The following KCNIP2 variants were observed in gnomAD, a reference collection of about 807,000 sequenced individuals.
The protein encoded by KCNIP2 is A-type potassium channel modulatory protein KCNIP2.
KCNIP2 carries 19 observed loss-of-function variants against 39.0 expected under a neutral mutation model. The ratio of observed to expected loss-of-function variants is 0.49; its 90% CI spans 0.34 to 0.71. The LOEUF (loss-of-function observed/expected upper bound fraction) is 0.71. Among genes scored for constraint, KCNIP2 ranks in the 30% least tolerant of loss-of-function variants. KCNIP2 has a pLI of 0.01. For missense variants in KCNIP2, 261 were observed against 346.0 expected, an observed-to-expected ratio of 0.75 and a Z score of 1.95; for synonymous variants, 111 against 131.2, an observed-to-expected ratio of 0.85 and a Z score of 1.05.
rs2066074654 is a variant in KCNIP2 at position 101,834,098 on chromosome 10, C to A, written c.74-2931G>T. Among the ~76,000 whole-genome samples, 4 of 152,040 alleles carry A rather than the reference C, an allele frequency of 2.6e-5. No homozygotes were observed. In the South Asian group the frequency reaches 8.3e-4, roughly 32 times the overall value. The stretch of plus-strand genomic sequence containing the variant: ...CCTTGAGGCCTCCTCTTCACCCCTC[C>A]CAGATGTTGTATCCCCCAAGCACCC... On this transcript the variant is annotated intron_variant, in intron 1 of 9. Coordinates refer to ENST00000356640, the MANE Select transcript of KCNIP2 (RefSeq NM_173191.3).
chr10:101,831,014 C>T, intron 2 of KCNIP2, 58 bp downstream of exon 2: 3 of 1,433,938 alleles, frequency 2.1e-6, no homozygotes, highest in Non-Finnish European at 2.9e-6. Context: ...CACACTCATG[C>T]ACAGACACGC....
Position 101,827,133 on chromosome 10 carries a change from G to T in KCNIP2, c.*220C>A. 1 of 1,132,652 alleles carries T rather than the reference G, an allele frequency of 8.8e-7. No homozygotes were observed. The highest frequency in any genetic ancestry group is 1.1e-6 in the Non-Finnish European group (1 of 881,800). The allele number at this position is 1,132,652 out of a possible 1,614,324, so 70.2% of individuals were successfully genotyped here. A position where few individuals can be genotyped will look rare whatever the true frequency, so the allele number is the denominator to read the frequency against. ...GGTGTCAGGCAGGAAGGGGGTGAGA[G>T]CTGGTGGGAGTTGGGAACACCCCCC... On this transcript the variant is annotated 3_prime_UTR_variant, in exon 10 of 10. Transcript: ENST00000356640.
At position 101,829,284 on chromosome 10, in the gene KCNIP2, G is replaced by GC. The variant is rs1003976674; in HGVS notation, c.224-86dup. On this transcript the variant is annotated intron_variant, in intron 3 of 9. Coordinates refer to ENST00000356640, the MANE Select transcript of KCNIP2 (RefSeq NM_173191.3). ...TCACTGCCCCATTCACCCCCTCCCC[G>GC]CCCCCCGGTCCCATCCGATGCCGGA... is the stretch of plus-strand genomic sequence containing the variant. 38 of 1,434,512 alleles carry GC rather than the reference G, an allele frequency of 2.6e-5. No homozygotes were observed. The Admixed American group carries it at 7.5e-4, about 28-fold the overall frequency. The allele number at this position is 1,434,512 out of a possible 1,614,324, so 88.9% of individuals were successfully genotyped here.
chr10:101,831,626 T>C (rs569552250), intron 1 of KCNIP2, among the ~76,000 whole-genome samples: 1 of 152,210 alleles, frequency 6.6e-6, no homozygotes, highest in East Asian at 1.9e-4. Flanking sequence ...AACTCACACC[T>C]GATGGCGTAA....
chr10:101,840,566 G>A (rs1457792648), intron 1 of KCNIP2, among the ~76,000 whole-genome samples: 2 of 62,382 alleles, frequency 3.2e-5, no homozygotes, highest in African/African-American at 1.2e-4. Context: ...CCCCCACTTC[G>A]GTCCCGCTGC....
intron 2 of KCNIP2, among the ~76,000 whole-genome samples, 160 bp downstream of exon 2, chr10:101,830,912 C>A (rs1446378070): frequency 2.0e-5 from 3 of 149,502 alleles, no homozygotes; most frequent in Non-Finnish European, 3.0e-5. Context: ...CTGGGGCAGG[C>A]CCCACCCCCA....
At chr10:101,839,921 C>CGCGTGG (rs1182267722) in intron 1 of KCNIP2, 2 of 1,406,612 alleles carry the variant, frequency 1.4e-6, no homozygotes, top group East Asian at 5.2e-5. Context: ...CGGGTAGGCC[C>CGCGTGG]GCGTGGGCGG....
Position 101,827,229 on chromosome 10 carries a change from G to C in KCNIP2, c.*124C>G. The C allele has an allele frequency of 7.2e-7, 1 of 1,387,034 alleles. No homozygotes were observed. The highest frequency in any genetic ancestry group is 9.4e-7 in the Non-Finnish European group (1 of 1,067,442). 85.9% of individuals were successfully genotyped at this position (1,387,034 alleles called of 1,614,324 possible). A position where few individuals can be genotyped will look rare whatever the true frequency, so the allele number is the denominator to read the frequency against. On this transcript the variant is annotated 3_prime_UTR_variant, in exon 10 of 10. Transcript: ENST00000356640. ...TGGACTACTGAATCCCCAAGCTCTTGGATCCCTCCAGCCCCCAGGGAGGCG... is the reference window on the plus strand; with the variant it reads ...TGGACTACTGAATCCCCAAGCTCTTCGATCCCTCCAGCCCCCAGGGAGGCG...
In KCNIP2 at chr10:101,839,435, T is replaced by C. The variant is rs187045054; in HGVS notation, c.73+4061A>G. On this transcript the variant is annotated intron_variant, in intron 1 of 9. Transcript: ENST00000356640. ...GCTGCAGGCCTCCTCCTTTCATCCC[T>C]GGGAGGCGCCCTGCCCCTCAGTTAA... Among the ~76,000 whole-genome samples the C allele has an allele frequency of 3.8e-3, 581 of 152,274 alleles. 11 individuals carry two copies. In the South Asian group the frequency reaches 0.073, roughly 19 times the overall value.
Position 101,843,472 on chromosome 10 carries a change from G to C in KCNIP2, c.73+24C>G. On this transcript the variant is annotated intron_variant, in intron 1 of 9. Coordinates refer to ENST00000356640, the MANE Select transcript of KCNIP2 (RefSeq NM_173191.3). The surrounding 1 kb of genome is among the most constrained non-coding windows in gnomAD (Gnocchi z 6.7). ...AGGAATGGAATCCACCCTCCCTCCC[G>C]CGACCCCCACGTCACTGACTCACCC... The C allele has an allele frequency of 6.7e-7, 1 of 1,494,234 alleles. No individual in the cohort carries two copies. Among genetic ancestry groups the C allele is most frequent in the Non-Finnish European group, 9.0e-7 (1 of 1,111,056 alleles). 92.6% of individuals were successfully genotyped at this position (1,494,234 alleles called of 1,614,324 possible).
At chr10:101,834,822 T>A (rs531516538) in intron 1 of KCNIP2, among the ~76,000 whole-genome samples, 6 of 152,302 alleles carry the variant, frequency 3.9e-5, no homozygotes, top group East Asian at 3.9e-4. Context: ...ATCAGATGCA[T>A]GGGTCAGAAT....
chr10:101,834,962 G>A (rs1281799462), intron 1 of KCNIP2, among the ~76,000 whole-genome samples: 1 of 152,218 alleles, frequency 6.6e-6, no homozygotes, highest in Non-Finnish European at 1.5e-5. Flanking sequence ...AGAGGTGTGT[G>A]TTTGGCGTAT....
At chr10:101,842,415 A>G (rs2066361399) in intron 1 of KCNIP2, among the ~76,000 whole-genome samples, 1 of 152,224 alleles carries the variant, frequency 6.6e-6, no homozygotes, top group Non-Finnish European at 1.5e-5. Context: ...AGGACACCAC[A>G]TGGCACTTCC....
intron 1 of KCNIP2, among the ~76,000 whole-genome samples, chr10:101,836,274 CT>C (rs976487755): frequency 0.01 from 1,258 of 124,630 alleles, 4 homozygotes; most frequent in Middle Eastern, 0.014. Flanking sequence ...TTTTTTTTCT[CT>C]TTTTTTTTTT....
intron 1 of KCNIP2, among the ~76,000 whole-genome samples, chr10:101,842,800 C>T (rs1412570979): frequency 1.3e-5 from 2 of 152,170 alleles, no homozygotes; most frequent in Non-Finnish European, 2.9e-5. Flanking sequence ...ACTCACAGAG[C>T]CCCGCTGCAG....
rs139629044 is a variant in KCNIP2 at position 101,828,319 on chromosome 10, G to T, written c.490-61C>A. 1 of 1,610,634 alleles carries T rather than the reference G, an allele frequency of 6.2e-7. No homozygotes were observed. Among genetic ancestry groups the T allele is most frequent in the African/African-American group, 1.3e-5 (1 of 74,830 alleles). On this transcript the variant is annotated intron_variant, in intron 6 of 9. Transcript: ENST00000356640. The surrounding 1 kb of genome is among the most constrained non-coding windows in gnomAD (Gnocchi z 6.6). The stretch of plus-strand genomic sequence containing the variant: ...TACTCTTCACCCAACTCCTTCTCTG[G>T]GTTTGGCCTGGAGATCCTGGCCCTG...
In KCNIP2 at chr10:101,843,227, G is replaced by A. The variant is rs2066384732; in HGVS notation, c.73+269C>T. Among the ~76,000 whole-genome samples the A allele has an allele frequency of 1.3e-5, 2 of 152,130 alleles. No individual in the cohort carries two copies. The highest frequency in any genetic ancestry group is 4.1e-4 in the South Asian group (2 of 4,830). On this transcript the variant is annotated intron_variant, in intron 1 of 9. Transcript: ENST00000356640. This position sits in a 1 kb window ranked among gnomAD's most constrained non-coding sequence, Gnocchi z 6.7. ...CACAGAATGACAGGTGCTCACGCAC[G>A]TAACACCTCCCACTCCAGACACCCT... is the stretch of plus-strand genomic sequence containing the variant.
rs201384290 is a variant in KCNIP2 at position 101,826,564 on chromosome 10, T to G, written c.*789A>C. On this transcript the variant is annotated 3_prime_UTR_variant, in exon 10 of 10. Coordinates refer to ENST00000356640, the MANE Select transcript of KCNIP2 (RefSeq NM_173191.3). ...CAGCCAGGACATCCCCCATCCACAT[T>G]CCCCCACCACAACCACCACCAACAC... The G allele has an allele frequency of 6.6e-6, 1 of 151,642 alleles. No individual in the cohort carries two copies. The highest frequency in any genetic ancestry group is 6.6e-5 in the Admixed American group (1 of 15,216). 9.4% of individuals were successfully genotyped at this position (151,642 alleles called of 1,614,324 possible).
chr10:101,836,181 A>G (rs1211192449), intron 1 of KCNIP2, among the ~76,000 whole-genome samples: 1 of 151,692 alleles, frequency 6.6e-6, no homozygotes, highest in Non-Finnish European at 1.5e-5. Context: ...CACGCGTCCA[A>G]CCTCACACAG....
Sources: allele counts gnomAD v4.1 joint callset (sites outside exome capture counted in the v4.1 genomes callset), GRCh38; gene constraint gnomAD v4.1.1; non-coding constraint Gnocchi (gnomAD v3.1); transcripts MANE v1.5; gene names NCBI Gene and HGNC (gene_info 2026-07-23, HGNC 2026-07-21).